Variants in NBEA observed in about 807,000 individuals in gnomAD.
NBEA encodes lysosomal-trafficking regulator 2.
In NBEA, 44 loss-of-function variants were observed where a neutral mutation model predicts 343.4. The observed-to-expected ratio is 0.13, with a 90% CI of 0.10 to 0.16. The LOEUF is 0.16. Ranked by LOEUF, NBEA falls within the 10% of genes least tolerant of loss-of-function variation. The pLI, the probability that NBEA is intolerant of heterozygous loss-of-function variation, is 1.00. For synonymous variants in NBEA, 1,175 were observed against 1,238.7 expected, an observed-to-expected ratio of 0.95 and a Z score of 1.08; for missense variants, 2,555 against 3,631.3, an observed-to-expected ratio of 0.70 and a Z score of 7.62.
intron 4 of NBEA, 116 bp from the exon 5 acceptor site, chr13:35,048,447 G>C: frequency 1.1e-6 from 1 of 926,604 alleles, no homozygotes; most frequent in Admixed American, 3.0e-5. Flanking sequence ...ATTTGTTTGT[G>C]ATTTTCTGGT....
chr13:35,445,362 T>C (rs903203234), intron 39 of NBEA, among the ~76,000 whole-genome samples: 3 of 152,158 alleles, frequency 2.0e-5, no homozygotes, highest in Non-Finnish European at 4.4e-5. Context: ...ACTATGTAAA[T>C]AATCTCCACA....
At chr13:35,186,281 A>T (rs1593659378) in intron 30 of NBEA, 1 of 152,192 alleles carries the variant, frequency 6.6e-6, no homozygotes, top group African/African-American at 2.4e-5. Flanking sequence ...CTCCAGCCTG[A>T]GCAACAGAGC....
At chr13:35,268,937 G>A (rs1343578961) in intron 34 of NBEA, among the ~76,000 whole-genome samples, 1 of 152,066 alleles carries the variant, frequency 6.6e-6, no homozygotes, top group Non-Finnish European at 1.5e-5. Flanking sequence ...CTTCAAAAAT[G>A]AAGGTGAGAT....
chr13:35,011,132 T>C (rs1263150105), intron 1 of NBEA, among the ~76,000 whole-genome samples: 1 of 151,852 alleles, frequency 6.6e-6, no homozygotes, highest in South Asian at 2.1e-4. Context: ...GTCCTGAGGG[T>C]AGTTCATCCA....
At chr13:35,118,504 G>C (rs754636893) in intron 16 of NBEA, 30 bp downstream of exon 16, 7 of 1,452,836 alleles carry the variant, frequency 4.8e-6, no homozygotes, top group Non-Finnish European at 5.7e-6. Flanking sequence ...ATTACTATTA[G>C]ACTTTAATGG....
At chr13:35,435,036 T>G (rs2045346852) in intron 39 of NBEA, among the ~76,000 whole-genome samples, 1 of 152,150 alleles carries the variant, frequency 6.6e-6, no homozygotes, top group South Asian at 2.1e-4. Flanking sequence ...TTTTTGTTTG[T>G]TTGTTTGTTG....
chr13:35,608,071 G>A (rs1037510680), intron 48 of NBEA, among the ~76,000 whole-genome samples: 2 of 151,982 alleles, frequency 1.3e-5, no homozygotes, highest in Admixed American at 6.5e-5. Context: ...CTATTTTGGA[G>A]CTGTATGTTC....
intron 16 of NBEA, 132 bp from the exon 17 acceptor site, chr13:35,123,350 G>T (rs2066903626): frequency 6.2e-6 from 3 of 487,558 alleles, no homozygotes; most frequent in Admixed American, 7.8e-5. Context: ...TTTTTCCAAA[G>T]AATTATAATC....
intron 1 of NBEA, 96 bp downstream of exon 1, chr13:34,943,210 G>A (rs941304931): frequency 6.8e-7 from 1 of 1,475,746 alleles, no homozygotes; most frequent in African/African-American, 1.4e-5. Flanking sequence ...AGGGTCACAC[G>A]CGCCGCGCGT....
chr13:35,253,113 G>C (rs1461354088), intron 34 of NBEA, among the ~76,000 whole-genome samples: 1 of 152,128 alleles, frequency 6.6e-6, no homozygotes, highest in Non-Finnish European at 1.5e-5. Context: ...ACAACCATGG[G>C]AAGAAAACAA....
At chr13:35,454,480 G>T (rs1272587937) in intron 40 of NBEA, among the ~76,000 whole-genome samples, 1 of 152,108 alleles carries the variant, frequency 6.6e-6, no homozygotes, top group African/African-American at 2.4e-5. Flanking sequence ...AATAATGTCT[G>T]TCTTACTCAT....
In NBEA at chr13:35,429,079, CTCTGACACTTCCCCAGTGGGGAGG is replaced by C. The variant is rs532495248; in HGVS notation, c.6180-3189_6180-3166del. On this transcript the variant is annotated intron_variant, in intron 38 of 58. Coordinates refer to ENST00000379939, the MANE Select transcript of NBEA (RefSeq NM_001385012.1). ...AAGTCCTGACTCTGCAGTAGGCTTA[CTCTGACACTTCCCCAGTGGGGAGG>C]GGGAGGGATGCCCCATTACTGTCCA... Among the ~76,000 whole-genome samples, 13 of 152,324 alleles carry C rather than the reference CTCTGACACTTCCCCAGTGGGGAGG, an allele frequency of 8.5e-5. 1 individual carries two copies. The highest frequency in any genetic ancestry group is 3.9e-4 in the East Asian group (2 of 5,172).
chr13:35,123,388 A>G (rs183361310), intron 16 of NBEA, 94 bp from the exon 17 acceptor site: 413 of 581,926 alleles, frequency 7.1e-4, no homozygotes, highest in Non-Finnish European at 4.3e-5. Flanking sequence ...AGAGTTTTAT[A>G]TTTCACATAT....
rs2063804506 is a variant in NBEA at position 35,069,991 on chromosome 13, T to C, written c.1323T>C (p.Ser441=). 6.2e-7 allele frequency: 1 copy of C among 1,606,286 alleles called. No individual in the cohort carries two copies. Among genetic ancestry groups the C allele is most frequent in the Non-Finnish European group, 8.5e-7 (1 of 1,176,722 alleles). ...TGTTATATGATGGGAAACTTGCAAG[T>C]AGCATTGCCTTTACATATAATGCTA... ...KQVLYDGKLA[S]SIAFTYNAKA... is the part of the protein sequence containing the mutation. Residue 441 remains serine, a synonymous_variant, in exon 9 of 59, where the codon AGT becomes AGC. Transcript: ENST00000379939.
intron 45 of NBEA, among the ~76,000 whole-genome samples, chr13:35,570,901 A>G (rs1473246796): frequency 6.6e-6 from 1 of 152,226 alleles, no homozygotes. Flanking sequence ...CAATGAAGAG[A>G]TGTCCACTAA....
intron 38 of NBEA, among the ~76,000 whole-genome samples, chr13:35,406,195 AC>A (rs1166875674): frequency 6.6e-6 from 1 of 151,914 alleles, no homozygotes; most frequent in Non-Finnish European, 1.5e-5. Flanking sequence ...ATTTGGAGTC[AC>A]TTTTTTCCTT....
chr13:35,655,550 G>T (rs756899420), intron 54 of NBEA, 29 bp from the exon 55 acceptor site: 43 of 1,589,930 alleles, frequency 2.7e-5, no homozygotes, highest in Non-Finnish European at 2.7e-5. Flanking sequence ...AAGACTAAAT[G>T]AAGCAAACCT....
At position 35,606,593 on chromosome 13, in the gene NBEA, G is replaced by T; in HGVS notation, c.7449+15G>T. On this transcript the variant is annotated intron_variant, in intron 48 of 58. Transcript: ENST00000379939. Reference sequence around the variant, plus strand: ...TCAACAGGATGGTAAGAGAGATTTTGCTTTTGCTTGGGCAGTCATCAGGGA... The same window carrying T: ...TCAACAGGATGGTAAGAGAGATTTTTCTTTTGCTTGGGCAGTCATCAGGGA... 6.3e-7 allele frequency: 1 copy of T among 1,578,548 alleles called. No homozygotes were observed. The highest frequency in any genetic ancestry group is 1.7e-4 in the Middle Eastern group (1 of 5,890).
chr13:35,530,667 T>C (rs1166412888), intron 41 of NBEA, among the ~76,000 whole-genome samples: 1 of 152,206 alleles, frequency 6.6e-6, no homozygotes, highest in Non-Finnish European at 1.5e-5. Flanking sequence ...AGAACCACCG[T>C]TATTGAGGGC....
Sources: allele counts gnomAD v4.1 joint callset (sites outside exome capture counted in the v4.1 genomes callset), GRCh38; gene constraint gnomAD v4.1.1; transcripts MANE v1.5; gene names NCBI Gene and HGNC (gene_info 2026-07-23, HGNC 2026-07-21).